Variants in ATG12 observed in about 807,000 individuals in gnomAD.
ATG12 encodes ubiquitin-like protein ATG12.
ATG12 carries 19 observed loss-of-function variants against 17.6 expected under a neutral mutation model. The ratio of observed to expected loss-of-function variants is 1.08; its 90% CI spans 0.75 to 1.58. ATG12 has a LOEUF of 1.58. Ranked by LOEUF, ATG12 falls within the 40% of genes most tolerant of loss-of-function variation. The probability of loss-of-function intolerance (pLI) is 0.00; values close to 1 mark genes in which losing one functional copy is unlikely to be tolerated. For missense variants in ATG12, 214 were observed against 162.0 expected, an observed-to-expected ratio of 1.32 and a Z score of -1.74; for synonymous variants, 75 against 62.4, an observed-to-expected ratio of 1.20 and a Z score of -0.95.
In ATG12 at chr5:115,830,072, G is replaced by T. The variant is rs535406830; in HGVS notation, c.*1732C>A. On this transcript the variant is annotated 3_prime_UTR_variant, in exon 4 of 4. Transcript: ENST00000509910. ...GTAGAGGTTGCAATGAGCCAAGATTGTGCCATTACAGTCCAGCCTGGGCAA... is the reference window on the plus strand; with the variant it reads ...GTAGAGGTTGCAATGAGCCAAGATTTTGCCATTACAGTCCAGCCTGGGCAA... 1.4e-5 allele frequency: 2 copies of T among 142,488 alleles called. No homozygotes were observed. The highest frequency in any genetic ancestry group is 4.2e-4 in the East Asian group (2 of 4,816). 8.8% of individuals were successfully genotyped at this position (142,488 alleles called of 1,614,324 possible).
At position 115,828,381 on chromosome 5, in the gene ATG12, A is replaced by T. The variant is rs1042741604; in HGVS notation, c.*3423T>A. ...CTCATATTCTATTCACCAAAATATGACAGGATTTCCCCACAACTCTGCTAA... is the reference window on the plus strand; with the variant it reads ...CTCATATTCTATTCACCAAAATATGTCAGGATTTCCCCACAACTCTGCTAA... On this transcript the variant is annotated 3_prime_UTR_variant, in exon 4 of 4. Transcript: ENST00000509910. 6.6e-6 allele frequency: 1 copy of T among 152,216 alleles called. No homozygotes were observed. Among genetic ancestry groups the T allele is most frequent in the Non-Finnish European group, 1.5e-5 (1 of 68,030 alleles). The allele number at this position is 152,216 out of a possible 1,614,324, so 9.4% of individuals were successfully genotyped here. A position where few individuals can be genotyped will look rare whatever the true frequency, so the allele number is the denominator to read the frequency against.
At chr5:115,834,612 C>T (rs1045577844) in intron 2 of ATG12, among the ~76,000 whole-genome samples, 2 of 151,468 alleles carry the variant, frequency 1.3e-5, no homozygotes, top group African/African-American at 2.5e-5. Flanking sequence ...GGTTATAAAG[C>T]TCTCTGTCTA....
At position 115,841,074 on chromosome 5, in the gene ATG12, AC is replaced by A. The variant is rs567426658; in HGVS notation, c.163+315del. ...GTGTTAAGTACCTGGAATTACCGAG[AC>A]CCCCCTCCCCCCGCCCCACTCAGCT... On this transcript the variant is annotated intron_variant, in intron 1 of 3. Transcript: ENST00000509910. The A allele has an allele frequency of 2.0e-5, 7 of 358,794 alleles. No homozygotes were observed. In the East Asian group the frequency reaches 5.3e-4, roughly 27 times the overall value. 22.2% of individuals were successfully genotyped at this position (358,794 alleles called of 1,614,324 possible). A position where few individuals can be genotyped will look rare whatever the true frequency, so the allele number is the denominator to read the frequency against.
chr5:115,840,527 A>T, intron 1 of ATG12: 1 of 964,606 alleles, frequency 1.0e-6, no homozygotes, highest in Non-Finnish European at 1.4e-6. Context: ...CGAACTCTTG[A>T]CCTCAGGTGA....
Position 115,828,680 on chromosome 5 carries a change from T to C in ATG12, c.*3124A>G, listed in dbSNP as rs755576327. 2 of 152,214 alleles carry C rather than the reference T, an allele frequency of 1.3e-5. No individual in the cohort carries two copies. The highest frequency in any genetic ancestry group is 2.9e-5 in the Non-Finnish European group (2 of 68,018). The allele number at this position is 152,214 out of a possible 1,614,324, so 9.4% of individuals were successfully genotyped here. ...AAAACTTAAACTATACAAAATTTCC[T>C]TTGTTTTTAGCTGTCATACTTTGCT... On this transcript the variant is annotated 3_prime_UTR_variant, in exon 4 of 4. Coordinates refer to ENST00000509910, the MANE Select transcript of ATG12 (RefSeq NM_004707.4).
chr5:115,833,231 A>G (rs1760960355), intron 2 of ATG12: 2 of 152,162 alleles, frequency 1.3e-5, no homozygotes, highest in African/African-American at 4.8e-5. Context: ...TGTTTTTACT[A>G]AAATATTTCT....
intron 2 of ATG12, among the ~76,000 whole-genome samples, chr5:115,834,694 A>T (rs1490467949): frequency 9.9e-5 from 15 of 152,220 alleles, no homozygotes; most frequent in Admixed American, 9.8e-4. Context: ...TCAGTTATGC[A>T]GGATATGAAA....
rs1166762433 is a variant in ATG12, at chr5:115,830,557, T to C, written c.*1247A>G. The C allele has an allele frequency of 6.6e-6, 1 of 152,206 alleles. No homozygotes were observed. The highest frequency in any genetic ancestry group is 2.4e-5 in the African/African-American group (1 of 41,444). 9.4% of individuals were successfully genotyped at this position (152,206 alleles called of 1,614,324 possible). A position where few individuals can be genotyped will look rare whatever the true frequency, so the allele number is the denominator to read the frequency against. On this transcript the variant is annotated 3_prime_UTR_variant, in exon 4 of 4. Coordinates refer to ENST00000509910, the MANE Select transcript of ATG12 (RefSeq NM_004707.4). Reference sequence around the variant, plus strand: ...TTTACTAGAATGCCTTTTTTTTTCTTTTTTGAGATGGGGTCTCACTCTGTT... The same window carrying C: ...TTTACTAGAATGCCTTTTTTTTTCTCTTTTGAGATGGGGTCTCACTCTGTT...
At chr5:115,840,064 A>G (rs1761288864) in intron 1 of ATG12, among the ~76,000 whole-genome samples, 1 of 151,876 alleles carries the variant, frequency 6.6e-6, no homozygotes, top group African/African-American at 2.4e-5. Context: ...CCTTAAAACG[A>G]ATCTCCGAAC....
chr5:115,839,702 G>C (rs905790952), intron 1 of ATG12, among the ~76,000 whole-genome samples: 3 of 152,202 alleles, frequency 2.0e-5, no homozygotes, highest in Non-Finnish European at 4.4e-5. Context: ...CATACCTCCA[G>C]TGCCAAAACC....
At chr5:115,838,677 C>G (rs1761204368) in intron 1 of ATG12, 1 of 152,090 alleles carries the variant, frequency 6.6e-6, no homozygotes, top group Non-Finnish European at 1.5e-5. Context: ...ACAACCAAAG[C>G]CAAAAAGAAG....
At chr5:115,839,834 G>C (rs771019217) in intron 1 of ATG12, among the ~76,000 whole-genome samples, 3 of 152,166 alleles carry the variant, frequency 2.0e-5, no homozygotes, top group Non-Finnish European at 4.4e-5. Flanking sequence ...GGAATAGTTA[G>C]AAACTAAGTT....
chr5:115,841,222 C>G (rs1761446307), intron 1 of ATG12, 168 bp downstream of exon 1: 3 of 844,494 alleles, frequency 3.6e-6, no homozygotes, highest in Non-Finnish European at 5.5e-6. Flanking sequence ...TAACACTCAA[C>G]TTAAAGGCCT....
Position 115,841,529 on chromosome 5 carries a change from C to A in ATG12, c.24G>T (p.Val8=), listed in dbSNP as rs191709876. The A allele has an allele frequency of 1.7e-5, 27 of 1,613,498 alleles. No individual in the cohort carries two copies. The highest frequency in any genetic ancestry group is 2.7e-5 in the African/African-American group (2 of 74,938). ...CAGCAATTGAAGTAGGAAGCTGCAA[C>A]ACAGACTGCGGCTCCTCCGCCATCT... MAEEPQS[V]LQLPTSIAAG... is the part of the protein sequence containing the mutation. Residue 8 remains valine, a synonymous_variant, in exon 1 of 4, where the codon GTG becomes GTT. Coordinates refer to ENST00000509910, the MANE Select transcript of ATG12 (RefSeq NM_004707.4).
At chr5:115,838,196 T>TA (rs1182841857) in intron 1 of ATG12, 2 of 152,562 alleles carry the variant, frequency 1.3e-5, no homozygotes, top group Non-Finnish European at 2.9e-5. Context: ...ATACAGATCC[T>TA]AATAAAGGTA....
chr5:115,841,105 C>T (rs1761429071), intron 1 of ATG12: 1 of 351,382 alleles, frequency 2.8e-6, no homozygotes, highest in Admixed American at 4.3e-5. Context: ...TCAGCTCCCT[C>T]CCTCCTTCAA....
chr5:115,832,527 C>G (rs1359058278), intron 3 of ATG12, 75 bp downstream of exon 3: 1 of 1,356,690 alleles, frequency 7.4e-7, no homozygotes, highest in Non-Finnish European at 9.6e-7. Context: ...ACATATTATA[C>G]AGATGTGCAT....
intron 2 of ATG12, among the ~76,000 whole-genome samples, chr5:115,834,648 T>C (rs923416305): frequency 6.6e-6 from 1 of 152,224 alleles, no homozygotes; most frequent in African/African-American, 2.4e-5. Context: ...TTCACTGGAA[T>C]AGCATTTTCT....
rs777763641 is a variant in ATG12 at position 115,841,372 on chromosome 5, G to A, written c.163+18C>T. On this transcript the variant is annotated intron_variant, in intron 1 of 3. Transcript: ENST00000509910. ...ATCTGAACCTCCCGCCTCTCTGCCC[G>A]GAAATAAATTCAGTTACTTTTTTTC... 9 of 1,609,972 alleles carry A rather than the reference G, an allele frequency of 5.6e-6. No individual in the cohort carries two copies. The highest frequency in any genetic ancestry group is 2.1e-4 in the Middle Eastern group (1 of 4,868).
Sources: allele counts gnomAD v4.1 joint callset (sites outside exome capture counted in the v4.1 genomes callset), GRCh38; gene constraint gnomAD v4.1.1; transcripts MANE v1.5; gene names NCBI Gene and HGNC (gene_info 2026-07-23, HGNC 2026-07-21).